The following ZMIZ1 variants were observed in gnomAD, a reference collection of about 807,000 sequenced individuals.
ZMIZ1 encodes the protein zinc finger MIZ-type containing 1.
In ZMIZ1, 17 loss-of-function variants were observed where a neutral mutation model predicts 113.9. The ratio of observed to expected loss-of-function variants is 0.15; its 90% CI spans 0.10 to 0.22. The LOEUF (loss-of-function observed/expected upper bound fraction) is 0.22, where lower values mean the gene tolerates loss of function less well. ZMIZ1 is among the 10% of genes least tolerant of loss of function. The pLI is 1.00. For synonymous variants in ZMIZ1, 607 were observed against 603.1 expected (o/e 1.01, Z -0.09); for missense variants, 1,059 against 1,477.8 (o/e 0.72, Z 4.65).
chr10:79,089,245 A>C (rs957598259), intron 1 of ZMIZ1, among the ~76,000 whole-genome samples: 3 of 152,204 alleles, frequency 2.0e-5, no homozygotes, highest in Non-Finnish European at 4.4e-5. Context: ...GAGCCTCCGC[A>C]TGTCAGATCC....
intron 7 of ZMIZ1, among the ~76,000 whole-genome samples, chr10:79,260,607 GT>G (rs1851207575): frequency 6.6e-6 from 1 of 152,202 alleles, no homozygotes; most frequent in Admixed American, 6.5e-5. Flanking sequence ...CAAGGAGACT[GT>G]TTTTCAATGC....
intron 15 of ZMIZ1, among the ~76,000 whole-genome samples, 183 bp from the exon 16 acceptor site, chr10:79,298,867 C>T (rs1465959388): frequency 1.3e-5 from 2 of 152,158 alleles, no homozygotes; most frequent in African/African-American, 2.4e-5. Context: ...GGGGCGGGGC[C>T]GTGTAGAATC....
intron 7 of ZMIZ1, among the ~76,000 whole-genome samples, chr10:79,237,350 CTT>C (rs1849632952): frequency 1.3e-5 from 2 of 152,198 alleles, no homozygotes; most frequent in South Asian, 2.1e-4. Flanking sequence ...TGTTTTGTGA[CTT>C]AGGTTTTAAC....
chr10:79,096,942 C>T (rs543150183), intron 1 of ZMIZ1, among the ~76,000 whole-genome samples: 9 of 152,032 alleles, frequency 5.9e-5, no homozygotes, highest in Non-Finnish European at 8.8e-5. Flanking sequence ...TGAGGAGGGC[C>T]GTGAGATGAT....
Position 79,215,301 on chromosome 10 carries a change from G to A in ZMIZ1, c.175-868G>A, listed in dbSNP as rs924567244. Reference sequence around the variant, plus strand: ...GGGAAGCAGCTTGTTCTAAATCACCGCTTTTTTTTTTTTTTTGAGAAGGAG... The same window carrying A: ...GGGAAGCAGCTTGTTCTAAATCACCACTTTTTTTTTTTTTTTGAGAAGGAG... On this transcript the variant is annotated intron_variant, in intron 6 of 24. Coordinates refer to ENST00000334512, the MANE Select transcript of ZMIZ1 (RefSeq NM_020338.4). 3.7e-3 allele frequency among the ~76,000 whole-genome samples: 534 copies of A among 144,138 alleles called. 9 individuals carry two copies. Among genetic ancestry groups the A allele is most frequent in the Non-Finnish European group, 1.3e-3 (87 of 67,400 alleles). The allele number at this position is 144,138 out of a possible 152,430, so 94.6% of individuals were successfully genotyped here. A position where few individuals can be genotyped will look rare whatever the true frequency, so the allele number is the denominator to read the frequency against.
intron 3 of ZMIZ1, among the ~76,000 whole-genome samples, chr10:79,153,400 C>G (rs1022095014): frequency 1.3e-5 from 2 of 152,240 alleles, no homozygotes; most frequent in Admixed American, 1.3e-4. Flanking sequence ...AGGCACTTGC[C>G]TAGGTCAAGG....
chr10:79,312,414 C>T (rs551397804), intron 24 of ZMIZ1, among the ~76,000 whole-genome samples: 8 of 152,388 alleles, frequency 5.2e-5, no homozygotes, highest in African/African-American at 1.7e-4. Flanking sequence ...GGGTCCCAAT[C>T]CTGAGGCTTG....
chr10:79,282,307 G>T (rs1453155611), intron 8 of ZMIZ1, among the ~76,000 whole-genome samples: 2 of 152,158 alleles, frequency 1.3e-5, no homozygotes, highest in Non-Finnish European at 2.9e-5. Flanking sequence ...TTTTCATTAA[G>T]GCGACATTGA....
intron 4 of ZMIZ1, among the ~76,000 whole-genome samples, chr10:79,199,760 T>C (rs10509406): frequency 0.18 from 27,574 of 152,166 alleles, 2,677 homozygotes; most frequent in African/African-American, 0.22. Flanking sequence ...GGACTCGATA[T>C]CTTTGTGGAC....
At chr10:79,238,075 C>T (rs963910133) in intron 7 of ZMIZ1, among the ~76,000 whole-genome samples, 35 of 152,224 alleles carry the variant, frequency 2.3e-4, no homozygotes, top group African/African-American at 7.2e-4. Context: ...CCCCTCCCCG[C>T]TCGGTAGCCT....
chr10:79,232,194 G>T (rs925185114), intron 7 of ZMIZ1, among the ~76,000 whole-genome samples: 1 of 152,114 alleles, frequency 6.6e-6, no homozygotes, highest in African/African-American at 2.4e-5. Context: ...GGATTAAATG[G>T]GAGGATATAA....
Position 79,208,323 on chromosome 10 carries a change from T to C in ZMIZ1, c.61-13T>C. ...TCTTGGAGCCTCAGCCGCCTCCTTT[T>C]CCTTTCCCACAGCACTTACAGAATC... On this transcript the variant is annotated splice_polypyrimidine_tract_variant and intron_variant, in intron 5 of 24. Transcript: ENST00000334512. 1.2e-6 allele frequency: 2 copies of C among 1,613,690 alleles called. No individual in the cohort carries two copies. Among genetic ancestry groups the C allele is most frequent in the Non-Finnish European group, 1.7e-6 (2 of 1,179,636 alleles).
chr10:79,200,375 T>G (rs1848023927), intron 4 of ZMIZ1, among the ~76,000 whole-genome samples: 1 of 152,234 alleles, frequency 6.6e-6, no homozygotes, highest in South Asian at 2.1e-4. Flanking sequence ...CCGCCTTTGC[T>G]GTGTGGCCTC....
chr10:79,206,212 G>A (rs905860888), intron 5 of ZMIZ1, among the ~76,000 whole-genome samples: 1 of 152,272 alleles, frequency 6.6e-6, no homozygotes, highest in African/African-American at 2.4e-5. Flanking sequence ...AGCTCTGAAC[G>A]CTGGTGAGAT....
chr10:79,093,533 G>A (rs1048823012), intron 1 of ZMIZ1, among the ~76,000 whole-genome samples: 4 of 151,976 alleles, frequency 2.6e-5, no homozygotes, highest in Non-Finnish European at 4.4e-5. Context: ...CACCATGTTG[G>A]CCAGGCTGGT....
rs780407907 is a variant in ZMIZ1, at chr10:79,304,099, A to G, written c.2210A>G (p.Lys737Arg). 6.2e-5 allele frequency: 100 copies of G among 1,614,070 alleles called. No homozygotes were observed. The highest frequency in any genetic ancestry group is 8.0e-5 in the Non-Finnish European group (94 of 1,180,044). ...GATGGGGTGGAGCAGACGGCCATCA[A>G]GGTGTCTCTGAAGTGCCCCATCACA... is the stretch of plus-strand genomic sequence containing the variant. ...GEDGVEQTAI[K>R]VSLKCPITFR... The change falls in exon 19 of 25, where the codon AAG becomes AGG. Residue 737 changes from lysine to arginine, a missense_variant. Lys to Arg is a conservative substitution (Grantham distance 26, BLOSUM62 2). Transcript: ENST00000334512.
At chr10:79,305,834 C>T (rs1854650977) in intron 21 of ZMIZ1, among the ~76,000 whole-genome samples, 1 of 152,158 alleles carries the variant, frequency 6.6e-6, no homozygotes, top group Non-Finnish European at 1.5e-5. Flanking sequence ...GTGCCCCGCC[C>T]CGACCCTCCA....
chr10:79,184,049 G>A (rs1403715577), intron 4 of ZMIZ1, among the ~76,000 whole-genome samples: 4 of 152,198 alleles, frequency 2.6e-5, no homozygotes, highest in Non-Finnish European at 5.9e-5. Context: ...GTCGGCCAGC[G>A]TTGCCTCGGT....
At chr10:79,138,418 A>G (rs1845113514) in intron 2 of ZMIZ1, among the ~76,000 whole-genome samples, 1 of 152,162 alleles carries the variant, frequency 6.6e-6, no homozygotes, top group Non-Finnish European at 1.5e-5. Flanking sequence ...GCTGGGAAAG[A>G]CGCCATTTTG....
Sources: gnomAD v4.1 joint callset for allele counts (sites outside exome capture counted in the v4.1 genomes callset) on GRCh38, gnomAD v4.1.1 for gene constraint, MANE v1.5 for transcripts, NCBI Gene and HGNC (gene_info 2026-07-23, HGNC 2026-07-21) for gene names.